ARMC3: variants seen among roughly 807,000 people sequenced by gnomAD.
The protein encoded by ARMC3 is armadillo repeat-containing protein 3.
A neutral mutation model predicts 90.3 loss-of-function variants in ARMC3; 74 were observed. The ratio of observed to expected loss-of-function variants is 0.82; its 90% CI spans 0.68 to 0.99. The LOEUF (loss-of-function observed/expected upper bound fraction) is 0.99. ARMC3 is among the 50% of genes least tolerant of loss of function. ARMC3 has a pLI of 0.00. For synonymous variants in ARMC3, 334 were observed against 361.8 expected (o/e 0.92, Z 0.87); for missense variants, 958 against 1,042.8 (o/e 0.92, Z 1.12).
intron 16 of ARMC3, among the ~76,000 whole-genome samples, chr10:23,025,360 T>C (rs1176859996): frequency 6.6e-6 from 1 of 151,968 alleles, no homozygotes; most frequent in Non-Finnish European, 1.5e-5. Flanking sequence ...AAAAAAAACC[T>C]CAGGAAATTT....
intron 2 of ARMC3, among the ~76,000 whole-genome samples, chr10:22,944,762 T>G (rs1320049770): frequency 1.3e-5 from 2 of 152,200 alleles, no homozygotes; most frequent in Admixed American, 1.3e-4. Flanking sequence ...TTAAGATTTC[T>G]GTGGATTTCC....
intron 11 of ARMC3, among the ~76,000 whole-genome samples, chr10:22,998,643 G>A (rs1837128643): frequency 6.6e-6 from 1 of 152,146 alleles, no homozygotes; most frequent in African/African-American, 2.4e-5. Flanking sequence ...TTGCCTCTGT[G>A]TACCAGGAAG....
chr10:22,999,794 G>A (rs947103246), intron 11 of ARMC3, among the ~76,000 whole-genome samples: 1 of 152,138 alleles, frequency 6.6e-6, no homozygotes, highest in Non-Finnish European at 1.5e-5. Context: ...TTTTTCTTCT[G>A]TCTCCTTGAT....
intron 16 of ARMC3, among the ~76,000 whole-genome samples, chr10:23,009,920 G>C (rs1837835798): frequency 6.6e-6 from 1 of 152,170 alleles, no homozygotes; most frequent in Non-Finnish European, 1.5e-5. Context: ...TGGAGGCTGT[G>C]GGGAACAGAT....
intron 10 of ARMC3, among the ~76,000 whole-genome samples, chr10:22,988,204 A>G (rs994678588): frequency 6.6e-6 from 1 of 152,252 alleles, no homozygotes; most frequent in Non-Finnish European, 1.5e-5. Context: ...AGAATTATTC[A>G]TGGAGTATCA....
chr10:23,033,674 A>G (rs1184051283), intron 18 of ARMC3, among the ~76,000 whole-genome samples: 1 of 152,190 alleles, frequency 6.6e-6, no homozygotes, highest in Non-Finnish European at 1.5e-5. Context: ...AAAGTTTTCA[A>G]GAGGGTAACA....
intron 16 of ARMC3, among the ~76,000 whole-genome samples, chr10:23,022,546 GC>G (rs1310630318): frequency 6.6e-6 from 1 of 152,070 alleles, no homozygotes; most frequent in African/African-American, 2.4e-5. Context: ...CTAACAGAAG[GC>G]CCCCCAGCCT....
chr10:22,955,693 A>C, intron 3 of ARMC3, 114 bp from the exon 4 acceptor site: 1 of 1,299,754 alleles, frequency 7.7e-7, no homozygotes, highest in Non-Finnish European at 1.1e-6. Flanking sequence ...TACGAACGGA[A>C]GCCAAGAGTA....
At chr10:22,992,929 C>T (rs1836773365) in intron 10 of ARMC3, among the ~76,000 whole-genome samples, 2 of 152,026 alleles carry the variant, frequency 1.3e-5, no homozygotes, top group South Asian at 2.1e-4. Flanking sequence ...GCTGCGTACA[C>T]ACCGCCCCTG....
At chr10:23,017,351 T>A (rs917267585) in intron 16 of ARMC3, among the ~76,000 whole-genome samples, 17 of 152,254 alleles carry the variant, frequency 1.1e-4, no homozygotes, top group Admixed American at 9.2e-4. Context: ...AGAAAATTCA[T>A]CTGGACCTCA....
At position 23,032,972 on chromosome 10, in the gene ARMC3, G is replaced by A. The variant is rs1345277849; in HGVS notation, c.2358G>A (p.Pro786=). The A allele has an allele frequency of 7.4e-6, 12 of 1,612,878 alleles. No homozygotes were observed. The highest frequency in any genetic ancestry group is 3.3e-5 in the Admixed American group (2 of 59,922). ...TTCAACTTAAATCCAATGTTATACC[G>A]ATTGGACATGTCAAAAAAGGAATCT... ...LKFQLKSNVI[P]IGHVKKGIFY... Residue 786 remains proline, a synonymous_variant, in exon 18 of 19, where the codon CCG becomes CCA. Coordinates refer to ENST00000298032, the MANE Select transcript of ARMC3 (RefSeq NM_173081.5).
At chr10:22,973,830 C>T (rs1266032118) in intron 8 of ARMC3, among the ~76,000 whole-genome samples, 4 of 137,340 alleles carry the variant, frequency 2.9e-5, no homozygotes, top group Non-Finnish European at 6.0e-5. Flanking sequence ...GCGATCTTGG[C>T]TCACTCCAAG....
chr10:22,963,317 A>C (rs1232964514), intron 7 of ARMC3, among the ~76,000 whole-genome samples: 1 of 152,214 alleles, frequency 6.6e-6, no homozygotes, highest in African/African-American at 2.4e-5. Context: ...AATAAGAAAA[A>C]TGCCTCTCAA....
intron 7 of ARMC3, among the ~76,000 whole-genome samples, chr10:22,967,280 A>G (rs941521142): frequency 2.0e-5 from 3 of 152,186 alleles, no homozygotes; most frequent in Admixed American, 6.5e-5. Context: ...GTACTTTCAC[A>G]GGAACATCTA....
At chr10:22,944,842 C>G (rs1169478419) in intron 2 of ARMC3, among the ~76,000 whole-genome samples, 1 of 152,178 alleles carries the variant, frequency 6.6e-6, no homozygotes, top group African/African-American at 2.4e-5. Context: ...CAGCTAGAGG[C>G]CACCTTTTCT....
intron 8 of ARMC3, among the ~76,000 whole-genome samples, chr10:22,974,331 G>A (rs918737184): frequency 2.0e-5 from 3 of 152,090 alleles, no homozygotes; most frequent in Non-Finnish European, 2.9e-5. Flanking sequence ...GCAATATTGG[G>A]AAATCTTCAC....
At chr10:22,978,184 T>C (rs1836015373) in intron 8 of ARMC3, among the ~76,000 whole-genome samples, 1 of 152,244 alleles carries the variant, frequency 6.6e-6, no homozygotes, top group South Asian at 2.1e-4. Context: ...TTTCTTGTTG[T>C]ATTAGTCTGT....
intron 1 of ARMC3, among the ~76,000 whole-genome samples, chr10:22,929,300 G>T (rs1439190538): frequency 7.1e-6 from 1 of 140,874 alleles, no homozygotes; most frequent in East Asian, 2.0e-4. Flanking sequence ...GAGAGAAAGA[G>T]AAAGAAAAAG....
At chr10:22,942,309 G>C (rs1834354548) in intron 2 of ARMC3, among the ~76,000 whole-genome samples, 1 of 152,160 alleles carries the variant, frequency 6.6e-6, no homozygotes, top group Admixed American at 6.5e-5. Flanking sequence ...GGTGCGGCAG[G>C]AAACCCATCT....
Sources: allele counts gnomAD v4.1 joint callset (sites outside exome capture counted in the v4.1 genomes callset), GRCh38; gene constraint gnomAD v4.1.1; transcripts MANE v1.5; gene names NCBI Gene and HGNC (gene_info 2026-07-23, HGNC 2026-07-21).